The following SLC5A9 variants were observed in gnomAD, a reference collection of about 807,000 sequenced individuals.
SLC5A9 encodes solute carrier family 5 member 9.
In SLC5A9, 59 loss-of-function variants were observed where a neutral mutation model predicts 70.9. The ratio of observed to expected loss-of-function variants is 0.83; its 90% confidence interval spans 0.68 to 1.03. The LOEUF (loss-of-function observed/expected upper bound fraction) is 1.03, where lower values mean the gene tolerates loss of function less well. SLC5A9 is among the 50% of genes least tolerant of loss of function. The pLI is 0.00. For synonymous variants in SLC5A9, 340 were observed against 346.5 expected (o/e 0.98, Z 0.21); for missense variants, 832 against 881.1 (o/e 0.94, Z 0.71).
chr1:48,232,098 G>C lies in SLC5A9; in HGVS notation c.844G>C (p.Gly282Arg), dbSNP rs912497305. The C allele has an allele frequency of 1.2e-6, 2 of 1,614,022 alleles. No homozygotes were observed. Among genetic ancestry groups the C allele is most frequent in the African/African-American group, 1.3e-5 (1 of 74,924 alleles). Residue 282 changes from glycine (G) to arginine (R), a missense_variant, in exon 7 of 14, where the codon GGT (glycine) becomes CGT (arginine). Physicochemically the swap from Gly to Arg is moderately radical, Grantham distance 125. Coordinates refer to ENST00000438567, the MANE Select transcript of SLC5A9 (RefSeq NM_001011547.3). ...TGTGAGCGGGGACATCCCTTGGCCA[G>C]GTCTCATTTTCGGGCTCACAGTGCT... Reference protein sequence around the residue: ...DPVSGDIPWPGLIFGLTVLAT... With the variant: ...DPVSGDIPWPRLIFGLTVLAT...
intron 9 of SLC5A9, among the ~76,000 whole-genome samples, chr1:48,234,674 T>C (rs530761355): frequency 9.2e-5 from 14 of 152,160 alleles, no homozygotes; most frequent in African/African-American, 1.9e-4. Flanking sequence ...TAGGGACATA[T>C]GAAGAGAGGT....
chr1:48,237,775 C>T lies in SLC5A9; in HGVS notation c.1389C>T (p.Val463=), dbSNP rs900258983. The T allele has an allele frequency of 1.2e-6, 2 of 1,614,136 alleles. No homozygotes were observed. The highest frequency in any genetic ancestry group is 1.3e-5 in the African/African-American group (1 of 75,012). ...AGCTCTTCGACTACATCCAGGCTGT[C>T]ACCAGTTACCTGGCCCCACCCATCA... ...SGQLFDYIQA[V]TSYLAPPITA... The change falls in exon 11 of 14, where the codon GTC becomes GTT. Residue 463 remains valine (V), a synonymous_variant. Coordinates refer to ENST00000438567, the MANE Select transcript of SLC5A9 (RefSeq NM_001011547.3).
intron 2 of SLC5A9, among the ~76,000 whole-genome samples, chr1:48,225,744 ACTC>A (rs1177846877): frequency 1.3e-5 from 2 of 151,694 alleles, no homozygotes; most frequent in Non-Finnish European, 2.9e-5. Flanking sequence ...ACACAATCAT[ACTC>A]CTATTCTCAC....
intron 4 of SLC5A9, chr1:48,229,702 T>G (rs1644220782): frequency 1.8e-6 from 1 of 552,852 alleles, no homozygotes; most frequent in Non-Finnish European, 3.0e-6. Flanking sequence ...CCAGAGTTCA[T>G]TCATTTATTT....
At chr1:48,227,519 A>G (rs1228924544) in intron 2 of SLC5A9, among the ~76,000 whole-genome samples, 1 of 96,280 alleles carries the variant, frequency 1.0e-5, no homozygotes, top group Non-Finnish European at 2.0e-5. Context: ...GTGTAATTGC[A>G]TGAGTGTGTG....
intron 13 of SLC5A9, 70 bp downstream of exon 13, chr1:48,242,686 T>A: frequency 1.4e-6 from 2 of 1,421,032 alleles, no homozygotes; most frequent in Non-Finnish European, 9.4e-7. Context: ...TCATGGGCGG[T>A]CTTTGGGATG....
chr1:48,227,355 C>G (rs1644173015), intron 2 of SLC5A9, among the ~76,000 whole-genome samples: 1 of 101,968 alleles, frequency 9.8e-6, no homozygotes, highest in African/African-American at 3.9e-5. Context: ...TGTGTGTGTA[C>G]TGTGCCTGTG....
chr1:48,231,483 CA>C, intron 5 of SLC5A9, 61 bp from the exon 6 acceptor site: 1 of 1,598,534 alleles, frequency 6.3e-7, no homozygotes, highest in African/African-American at 1.3e-5. Flanking sequence ...ATGCACAGGG[CA>C]GGCAGCCAGA....
chr1:48,242,756 C>T (rs989835660), intron 13 of SLC5A9, 140 bp downstream of exon 13: 6 of 809,092 alleles, frequency 7.4e-6, no homozygotes, highest in African/African-American at 1.7e-5. Flanking sequence ...GGCTACTGAA[C>T]TATTTGAAAA....
Position 48,247,361 on chromosome 1 carries a change from C to G in SLC5A9, c.1864C>G (p.Leu622Val). The change falls in exon 14 of 14, where the codon CTC becomes GTC. Residue 622 changes from leucine (L) to valine (V), a missense_variant. Transcript: ENST00000438567. The stretch of plus-strand genomic sequence containing the variant: ...CCCAAGCAGGTCCTGGGGAAAGTTG[C>G]TCTGGAGCTGGTTCTGTGGGCTCTC... The part of the protein sequence containing the change: ...EAPSRSWGKL[L>V]WSWFCGLSGT... 6.2e-7 allele frequency: 1 copy of G among 1,614,084 alleles called. No individual in the cohort carries two copies. Among genetic ancestry groups the G allele is most frequent in the Non-Finnish European group, 8.5e-7 (1 of 1,180,004 alleles).
intron 4 of SLC5A9, chr1:48,229,683 A>G (rs1644220536): frequency 1.7e-6 from 1 of 586,816 alleles, no homozygotes; most frequent in African/African-American, 1.9e-5. Flanking sequence ...CACTCAAATA[A>G]ATCACAATCC....
intron 9 of SLC5A9, among the ~76,000 whole-genome samples, chr1:48,235,199 T>C (rs984512904): frequency 1.3e-5 from 2 of 152,156 alleles, no homozygotes; most frequent in Non-Finnish European, 2.9e-5. Flanking sequence ...TACATACAGC[T>C]GGTTACTTGC....
intron 2 of SLC5A9, among the ~76,000 whole-genome samples, chr1:48,227,187 G>C (rs913597354): frequency 7.6e-6 from 1 of 131,568 alleles, no homozygotes; most frequent in Non-Finnish European, 1.7e-5. Context: ...GTGTGTGTGT[G>C]TACTGTGCCT....
At chr1:48,245,464 G>A (rs1644450389) in intron 13 of SLC5A9, among the ~76,000 whole-genome samples, 1 of 152,114 alleles carries the variant, frequency 6.6e-6, no homozygotes, top group Non-Finnish European at 1.5e-5. Flanking sequence ...AGTCAGCCAA[G>A]AAGTCTAATG....
At chr1:48,232,950 GA>G (rs1220308033) in intron 8 of SLC5A9, among the ~76,000 whole-genome samples, 3 of 117,870 alleles carry the variant, frequency 2.5e-5, no homozygotes, top group African/African-American at 6.5e-5. Context: ...AGAAGAAGAA[GA>G]AAAAAAGGAG....
chr1:48,224,613 C>T, intron 1 of SLC5A9, 111 bp from the exon 2 acceptor site: 1 of 1,057,002 alleles, frequency 9.5e-7, no homozygotes, highest in South Asian at 1.3e-5. Context: ...AGTTTTCACC[C>T]TCTGTGTCCC....
In SLC5A9 at chr1:48,239,512, G is replaced by A; in HGVS notation, c.1652G>A (p.Cys551Tyr). ...TAIVIVIVSL[C>Y]TTPIPEEQLT... ...ATCGTCATTGTCATTGTCAGCCTCTGTACAACTCCCATCCCTGAGGAACAG... is the reference window on the plus strand; with the variant it reads ...ATCGTCATTGTCATTGTCAGCCTCTATACAACTCCCATCCCTGAGGAACAG... The change falls in exon 12 of 14, where the codon TGT becomes TAT. Residue 551 changes from cysteine (C) to tyrosine (Y), a missense_variant. Cys to Tyr is a radical substitution (Grantham distance 194). Coordinates refer to ENST00000438567, the MANE Select transcript of SLC5A9 (RefSeq NM_001011547.3). The surrounding 1 kb of genome is among the most constrained non-coding windows in gnomAD (Gnocchi z 4.2). The A allele has an allele frequency of 6.2e-7, 1 of 1,614,156 alleles. No individual in the cohort carries two copies. Among genetic ancestry groups the A allele is most frequent in the African/African-American group, 1.3e-5 (1 of 75,030 alleles).
At chr1:48,222,990 A>C in intron 1 of SLC5A9, 92 bp downstream of exon 1, 1 of 1,332,392 alleles carries the variant, frequency 7.5e-7, no homozygotes, top group Admixed American at 2.0e-5. Context: ...GGCTAGGCAG[A>C]AAGAAGCAGA....
At chr1:48,242,117 C>G in intron 12 of SLC5A9, 1 of 473,840 alleles carries the variant, frequency 2.1e-6, no homozygotes, top group South Asian at 1.6e-5. Flanking sequence ...ACTCCTCAGC[C>G]TGACCTTTGA....
Sources: allele counts gnomAD v4.1 joint callset (sites outside exome capture counted in the v4.1 genomes callset), GRCh38; gene constraint gnomAD v4.1.1; non-coding constraint Gnocchi (gnomAD v3.1); transcripts MANE v1.5; gene names NCBI Gene and HGNC (gene_info 2026-07-23, HGNC 2026-07-21).